The following OCRL variants were observed in gnomAD, a reference collection of about 807,000 sequenced individuals.
OCRL encodes the protein OCRL inositol polyphosphate-5-phosphatase.
Under a neutral mutation model 78.9 loss-of-function variants are expected in OCRL, and 8 were observed. The observed-to-expected ratio is 0.10, with a 90% CI of 0.06 to 0.18. The LOEUF is 0.18. OCRL is among the 10% of genes least tolerant of loss of function. The pLI is 1.00. For synonymous variants in OCRL, 240 were observed against 235.4 expected (o/e 1.02, Z -0.18); for missense variants, 454 against 696.7 (o/e 0.65, Z 3.92).
At chrX:129,545,175 G>A in intron 3 of OCRL, 138 bp downstream of exon 3, 1 of 465,141 alleles carries the variant, frequency 2.1e-6, no homozygotes, top group Non-Finnish European at 3.8e-6. Context: ...AGATAACATT[G>A]AGGAGATGAT....
At chrX:129,571,185 A>G (rs1421562078) in intron 15 of OCRL, among the ~76,000 whole-genome samples, 1 of 111,274 alleles carries the variant, frequency 9.0e-6, no homozygotes, top group Non-Finnish European at 1.9e-5. Flanking sequence ...TCTAATTTCT[A>G]GTTTGTACTT....
rs761987106 is a variant in OCRL at position 129,589,908 on chromosome X, G to A, written c.2533G>A (p.Glu845Lys). The A allele has an allele frequency of 8.3e-7, 1 of 1,208,871 alleles. No individual in the cohort carries two copies. The highest frequency in any genetic ancestry group is 1.1e-6 in the Non-Finnish European group (1 of 894,118). ...CCGTTACTTGATGGCATTCCTTCGA[G>A]AACTCTTAAAATTCTCTGAATACAA... The part of the protein sequence containing the change: ...VFRYLMAFLR[E>K]LLKFSEYNSV... Residue 845 changes from glutamate to lysine, a missense_variant, in exon 23 of 24, where the codon GAA becomes AAA. Around this residue, in one of 2 missense-constraint regions of OCRL, gnomAD observed 277 missense variants for 517.1 expected, o/e 0.54. Transcript: ENST00000371113.
rs781721479 is a variant in OCRL, at chrX:129,591,470, A to G, written c.*1200A>G. On this transcript the variant is annotated 3_prime_UTR_variant, in exon 24 of 24. Transcript: ENST00000371113. ...AGATGACCCTCTGAGCTTTTCATTT[A>G]TTCAAGCTCTGTGGTACAGCCTTTT... The G allele has an allele frequency of 8.9e-6, 1 of 112,353 alleles. No individual in the cohort carries two copies. The highest frequency in any genetic ancestry group is 1.9e-5 in the Non-Finnish European group (1 of 53,205). 9.3% of individuals were successfully genotyped at this position (112,353 alleles called of 1,213,427 possible). A position where few individuals can be genotyped will look rare whatever the true frequency, so the allele number is the denominator to read the frequency against.
chrX:129,561,101 T>C (rs1936138524), intron 9 of OCRL, 78 bp from the exon 10 acceptor site: 1 of 644,530 alleles, frequency 1.6e-6, no homozygotes, highest in Non-Finnish European at 2.6e-6. Flanking sequence ...TTTCATCTAA[T>C]GTTTCAACAT....
chrX:129,567,454 G>A (rs1485751670), intron 14 of OCRL, 91 bp downstream of exon 14: 1 of 594,621 alleles, frequency 1.7e-6, no homozygotes, highest in African/African-American at 2.2e-5. Context: ...AATTTTTTAG[G>A]CCATGCCATA....
In OCRL at chrX:129,557,378, A is replaced by G; in HGVS notation, c.292A>G (p.Ile98Val). The stretch of plus-strand genomic sequence containing the variant: ...CTGGATCAGAGAGCGCCGCTTTGAA[A>G]TCCCTGATGAGGAACACTGTTTGAA... ...GDWIRERRFEIPDEEHCLKFL... is the reference protein window; with the variant it reads ...GDWIRERRFEVPDEEHCLKFL... Residue 98 changes from isoleucine to valine, a missense_variant, in exon 5 of 24, where the codon ATC becomes GTC. By Grantham distance (29) the Ile-to-Val change is conservative. This residue lies in a region of OCRL where 177 missense variants were observed against 179.6 expected (regional missense o/e 0.99). Coordinates refer to ENST00000371113, the MANE Select transcript of OCRL (RefSeq NM_000276.4). 2 of 1,211,536 alleles carry G rather than the reference A, an allele frequency of 1.7e-6. No individual in the cohort carries two copies. Among genetic ancestry groups the G allele is most frequent in the Non-Finnish European group, 2.2e-6 (2 of 895,450 alleles).
At chrX:129,586,660 C>G (rs1250325597) in intron 19 of OCRL, 1 of 337,587 alleles carries the variant, frequency 3.0e-6, no homozygotes, top group African/African-American at 2.6e-5. Context: ...CCCCAAGTCA[C>G]CAGTGCTGTA....
intron 18 of OCRL, among the ~76,000 whole-genome samples, 164 bp downstream of exon 18, chrX:129,576,716 A>AGG (rs1936373755): frequency 8.9e-6 from 1 of 112,179 alleles, no homozygotes; most frequent in Non-Finnish European, 1.9e-5. Flanking sequence ...ATTAAGCCTA[A>AGG]GGGGAAAGAG....
chrX:129,584,255 G>C (rs1936481625), intron 18 of OCRL, 89 bp from the exon 19 acceptor site: 3 of 817,715 alleles, frequency 3.7e-6, no homozygotes, highest in South Asian at 2.1e-5. Flanking sequence ...AAGATAGTGA[G>C]TTCTAATACT....
intron 14 of OCRL, 103 bp downstream of exon 14, chrX:129,567,466 G>A (rs1440649591): frequency 3.7e-6 from 2 of 544,420 alleles, no homozygotes; most frequent in Non-Finnish European, 6.4e-6. Flanking sequence ...CATGCCATAA[G>A]CAGATATATA....
chrX:129,559,136 T>C, intron 8 of OCRL, 135 bp downstream of exon 8: 1 of 558,553 alleles, frequency 1.8e-6, no homozygotes, highest in Non-Finnish European at 2.9e-6. Flanking sequence ...TTCAAGCTCC[T>C]GTCTCTATGC....
intron 15 of OCRL, among the ~76,000 whole-genome samples, chrX:129,570,450 C>G (rs1936285153): frequency 9.0e-6 from 1 of 111,725 alleles, no homozygotes; most frequent in Non-Finnish European, 1.9e-5. Flanking sequence ...GGTTTCTTTC[C>G]TCTGTGTGTG....
At chrX:129,577,776 A>T (rs950816157) in intron 18 of OCRL, among the ~76,000 whole-genome samples, 1 of 111,899 alleles carries the variant, frequency 8.9e-6, no homozygotes, top group African/African-American at 3.2e-5. Flanking sequence ...AGAGAGAACC[A>T]TTTTCTTCAG....
At chrX:129,581,341 T>C (rs1316955243) in intron 18 of OCRL, among the ~76,000 whole-genome samples, 1 of 112,285 alleles carries the variant, frequency 8.9e-6, no homozygotes, top group Non-Finnish European at 1.9e-5. Flanking sequence ...AGTTCTCTTT[T>C]TAAATGTAAT....
At chrX:129,555,618 G>T (rs1474101625) in intron 4 of OCRL, among the ~76,000 whole-genome samples, 2 of 112,439 alleles carry the variant, frequency 1.8e-5, no homozygotes, top group Non-Finnish European at 3.8e-5. Flanking sequence ...GAAGGTTTTA[G>T]GATGGACAAG....
At chrX:129,582,674 A>G (rs1444214091) in intron 18 of OCRL, among the ~76,000 whole-genome samples, 2 of 112,303 alleles carry the variant, frequency 1.8e-5, no homozygotes, top group African/African-American at 6.5e-5. Context: ...ATAGTACTAT[A>G]AATATGTACC....
At chrX:129,560,150 TC>T (rs1186387856) in intron 8 of OCRL, among the ~76,000 whole-genome samples, 1 of 112,072 alleles carries the variant, frequency 8.9e-6, no homozygotes, top group African/African-American at 3.2e-5. Context: ...GGAAGTGAGT[TC>T]CTGGAGTCAA....
In OCRL at chrX:129,589,391, T is replaced by A. The variant is rs144601641; in HGVS notation, c.2469+378T>A. 4.5e-3 allele frequency: 1,270 copies of A among 280,672 alleles called. 17 individuals carry two copies. The highest frequency in any genetic ancestry group is 0.033 in the African/African-American group (1,189 of 36,102). 23.1% of individuals were successfully genotyped at this position (280,672 alleles called of 1,213,427 possible). On this transcript the variant is annotated intron_variant, in intron 22 of 23. Coordinates refer to ENST00000371113, the MANE Select transcript of OCRL (RefSeq NM_000276.4). ...TGTGTGTTTTTAATCCTGAAATGAT[T>A]TTAATGCACAGTAGCTGACAGTACC...
chrX:129,554,034 G>C (rs775105170), intron 4 of OCRL, among the ~76,000 whole-genome samples: 1 of 110,184 alleles, frequency 9.1e-6, no homozygotes, highest in South Asian at 3.9e-4. Flanking sequence ...GGCAGTTCTG[G>C]GTTTTTGCAA....
Sources: gnomAD v4.1 joint callset for allele counts (sites outside exome capture counted in the v4.1 genomes callset) on GRCh38, gnomAD v4.1.1 for gene constraint, gnomAD v4.1.1 regional missense constraint, MANE v1.5 for transcripts, NCBI Gene and HGNC (gene_info 2026-07-23, HGNC 2026-07-21) for gene names.